Variants in COL3A1 observed in about 807,000 individuals in gnomAD.
COL3A1 encodes the protein collagen type III alpha 1 chain, also known as collagen alpha-1(III) chain.
In COL3A1, 46 loss-of-function variants were observed where a neutral mutation model predicts 200.9. That is an observed-to-expected ratio of 0.23 (90% CI 0.18 to 0.29). COL3A1 has a LOEUF of 0.29. COL3A1 is among the 10% of genes least tolerant of loss of function. The pLI is 1.00. For synonymous variants in COL3A1, 650 were observed against 628.0 expected (o/e 1.03, Z -0.52); for missense variants, 1,367 against 1,917.6 (o/e 0.71, Z 5.36).
chr2:188,999,947 C>A, intron 32 of COL3A1, 52 bp downstream of exon 32: 1 of 1,523,734 alleles, frequency 6.6e-7, no homozygotes, highest in Non-Finnish European at 8.9e-7. Flanking sequence ...TCATATGGGA[C>A]AGTCCTGCAC....
chr2:189,010,794 AAAG>A lies in COL3A1; in HGVS notation c.4162_4164del (p.Lys1388del). The A allele has an allele frequency of 1.2e-6, 2 of 1,614,172 alleles. No individual in the cohort carries two copies. The highest frequency in any genetic ancestry group is 1.7e-6 in the Non-Finnish European group (2 of 1,180,018). ...ACATGGATCAGGCCAGTGGAAATGT[AAAG>A]AAGGCCCTGAAGCTGATGGGGTCAA... is the stretch of plus-strand genomic sequence containing the variant. On this transcript the variant is annotated inframe_deletion, in exon 50 of 51. Transcript: ENST00000304636.
Position 189,008,245 on chromosome 2 carries a change from A to G in COL3A1, c.3525+103A>G. On this transcript the variant is annotated intron_variant, in intron 47 of 50. Transcript: ENST00000304636. Reference sequence around the variant, plus strand: ...AAATTGAAATAGAGAGACGCAATGCATCCACTCAATTTAGAAACTGAACAA... The same window carrying G: ...AAATTGAAATAGAGAGACGCAATGCGTCCACTCAATTTAGAAACTGAACAA... 5.3e-6 allele frequency: 5 copies of G among 938,462 alleles called. No homozygotes were observed. The South Asian group carries it at 7.0e-5, about 13-fold the overall frequency. 58.1% of individuals were successfully genotyped at this position (938,462 alleles called of 1,614,324 possible).
chr2:188,992,309 A>G lies in COL3A1; in HGVS notation c.996+81A>G. ...GGATTATTTAATATTTTATATATGTATATACTCTTAGGTATATATATATGC... is the reference window on the plus strand; with the variant it reads ...GGATTATTTAATATTTTATATATGTGTATACTCTTAGGTATATATATATGC... On this transcript the variant is annotated intron_variant, in intron 14 of 50. Coordinates refer to ENST00000304636, the MANE Select transcript of COL3A1 (RefSeq NM_000090.4). The G allele has an allele frequency of 4.2e-6, 5 of 1,197,832 alleles. No individual in the cohort carries two copies. In the South Asian group the frequency reaches 6.3e-5, roughly 15 times the overall value. 74.2% of individuals were successfully genotyped at this position (1,197,832 alleles called of 1,614,324 possible).
chr2:189,006,148 T>C, intron 41 of COL3A1, 58 bp from the exon 42 acceptor site: 1 of 1,567,954 alleles, frequency 6.4e-7, no homozygotes, highest in African/African-American at 1.3e-5. Context: ...AATGCATGGA[T>C]GAAATGGCAT....
chr2:188,988,739 G>T, intron 7 of COL3A1, 96 bp downstream of exon 7: 1 of 827,546 alleles, frequency 1.2e-6, no homozygotes, highest in Non-Finnish European at 2.0e-6. Context: ...ACAGAATGAA[G>T]ATTAAATTTA....
At chr2:188,977,027 C>A (rs2351420) in intron 1 of COL3A1, among the ~76,000 whole-genome samples, 36,492 of 152,006 alleles carry the variant, frequency 0.24, 4,502 homozygotes, top group Middle Eastern at 0.35. Context: ...ATAAATATTG[C>A]AAACACATAT....
Position 188,985,730 on chromosome 2 carries a change from T to G in COL3A1, c.399T>G (p.Gly133=). The part of the protein sequence containing the change: ...PGIPGQPGSP[G]SPGPPGICES... ...TTCCAGGACAACCAGGGTCCCCTGG[T>G]TCTCCTGGCCCCCCTGGAATCTGTG... Residue 133 remains glycine (G), a synonymous_variant, in exon 4 of 51, where the codon GGT becomes GGG. Coordinates refer to ENST00000304636, the MANE Select transcript of COL3A1 (RefSeq NM_000090.4). 6.2e-7 allele frequency: 1 copy of G among 1,611,804 alleles called. No individual in the cohort carries two copies. The highest frequency in any genetic ancestry group is 8.5e-7 in the Non-Finnish European group (1 of 1,178,904).
At position 189,001,319 on chromosome 2, in the gene COL3A1, CT is replaced by C. The variant is rs1415031400; in HGVS notation, c.2284-77del. The C allele has an allele frequency of 2.2e-6, 3 of 1,360,914 alleles. No homozygotes were observed. In the African/African-American group the frequency reaches 4.3e-5, roughly 20 times the overall value. The allele number at this position is 1,360,914 out of a possible 1,614,324, so 84.3% of individuals were successfully genotyped here. On this transcript the variant is annotated intron_variant, in intron 32 of 50. Coordinates refer to ENST00000304636, the MANE Select transcript of COL3A1 (RefSeq NM_000090.4). Reference sequence around the variant, plus strand: ...TATCTAGTTTATTAGGTATCTATGTCTATATACTTTCTGTTTGATTAATGCA... The same window carrying C: ...TATCTAGTTTATTAGGTATCTATGTCATATACTTTCTGTTTGATTAATGCA...
rs180938313 is a variant in COL3A1, at chr2:188,985,230, G to A, written c.316G>A (p.Gly106Ser). Residue 106 changes from glycine to serine, a missense_variant, in exon 3 of 51, where the codon GGC (glycine) becomes AGC (serine). By Grantham distance (56) the Gly-to-Ser change is moderately conservative. This residue lies in a region of COL3A1 where 462 missense variants were observed against 681.4 expected (regional missense o/e 0.68). Coordinates refer to ENST00000304636, the MANE Select transcript of COL3A1 (RefSeq NM_000090.4). Reference protein sequence around the residue: ...TRPPNGQGPQGPKGDPGPPGI... With the variant: ...TRPPNGQGPQSPKGDPGPPGI... ...CCCTCCTAATGGTCAAGGACCTCAAGGCCCCAAGGGAGATCCAGTAAGTAA... is the reference window on the plus strand; with the variant it reads ...CCCTCCTAATGGTCAAGGACCTCAAAGCCCCAAGGGAGATCCAGTAAGTAA... The A allele has an allele frequency of 4.3e-6, 7 of 1,611,864 alleles. No homozygotes were observed. The Admixed American group carries it at 5.0e-5, about 12-fold the overall frequency.
intron 44 of COL3A1, 55 bp from the exon 45 acceptor site, chr2:189,007,445 A>G: frequency 3.8e-6 from 5 of 1,315,596 alleles, no homozygotes; most frequent in Non-Finnish European, 5.3e-6. Flanking sequence ...ATTCTATTTT[A>G]TTTTTCCAAT....
rs761637298 is a variant in COL3A1, at chr2:188,997,154, T to G, written c.1762-11T>G. 7 of 1,613,296 alleles carry G rather than the reference T, an allele frequency of 4.3e-6. No homozygotes were observed. Among genetic ancestry groups the G allele is most frequent in the African/African-American group, 1.3e-5 (1 of 74,706 alleles). On this transcript the variant is annotated splice_polypyrimidine_tract_variant and intron_variant, in intron 24 of 50. Transcript: ENST00000304636. ...TTGAGGATTAGTAAATACCGACCAC[T>G]TCTTCTTTAGGGTGCTCCTGGTAAG...
At chr2:189,007,742 C>G in intron 45 of COL3A1, 135 bp downstream of exon 45, 1 of 1,239,798 alleles carries the variant, frequency 8.1e-7, no homozygotes, top group South Asian at 1.2e-5. Context: ...TTTGAAACAA[C>G]AATCAGCATG....
rs587779441 is a variant in COL3A1 at position 188,989,415 on chromosome 2, G to C, written c.656G>C (p.Gly219Ala). 6.2e-7 allele frequency: 1 copy of C among 1,605,682 alleles called. No individual in the cohort carries two copies. The highest frequency in any genetic ancestry group is 8.5e-7 in the Non-Finnish European group (1 of 1,175,982). Residue 219 changes from glycine (G) to alanine (A), a missense_variant, in exon 8 of 51, where the codon GGT becomes GCT. By Grantham distance (60) the Gly-to-Ala change is moderately conservative (BLOSUM62 0). Coordinates refer to ENST00000304636, the MANE Select transcript of COL3A1 (RefSeq NM_000090.4). Reference sequence around the variant, plus strand: ...TTTCAGGGCCCTCCAGGACCTCCTGGTGCTATAGGTCCATCTGGTCCTGCT... The same window carrying C: ...TTTCAGGGCCCTCCAGGACCTCCTGCTGCTATAGGTCCATCTGGTCCTGCT... Reference protein sequence around the residue: ...AGPSGPPGPPGAIGPSGPAGK... With the variant: ...AGPSGPPGPPAAIGPSGPAGK...
intron 34 of COL3A1, 142 bp from the exon 35 acceptor site, chr2:189,002,156 G>T: frequency 1.4e-6 from 1 of 716,198 alleles, no homozygotes; most frequent in Non-Finnish European, 2.5e-6. Context: ...TTGAGAAGTG[G>T]CAAAGTCTTC....
intron 1 of COL3A1, among the ~76,000 whole-genome samples, chr2:188,977,306 T>G (rs1687841863): frequency 6.6e-6 from 1 of 152,154 alleles, no homozygotes; most frequent in South Asian, 2.1e-4. Flanking sequence ...AGTTTCTATA[T>G]TTTGCTACAG....
chr2:188,984,639 A>T (rs1452240092), intron 1 of COL3A1, 121 bp from the exon 2 acceptor site: 1 of 846,480 alleles, frequency 1.2e-6, no homozygotes, highest in African/African-American at 1.7e-5. Context: ...TAATGAAAGG[A>T]AGAAATTATT....
chr2:189,001,690 T>A, intron 34 of COL3A1, 101 bp downstream of exon 34: 1 of 1,174,296 alleles, frequency 8.5e-7, no homozygotes, highest in Non-Finnish European at 1.3e-6. Context: ...TCCCTGAGCC[T>A]CAATTTGGAG....
At chr2:189,001,309 G>T in intron 32 of COL3A1, 88 bp from the exon 33 acceptor site, 1 of 1,243,154 alleles carries the variant, frequency 8.0e-7, no homozygotes, top group South Asian at 1.2e-5. Context: ...AGTTTATTAG[G>T]TATCTATGTC....
intron 44 of COL3A1, 70 bp from the exon 45 acceptor site, chr2:189,007,430 T>C: frequency 8.4e-7 from 1 of 1,187,430 alleles, no homozygotes; most frequent in Non-Finnish European, 1.2e-6. Flanking sequence ...ATTTAATTAT[T>C]ATAAATTCTA....
Sources: allele counts gnomAD v4.1 joint callset (sites outside exome capture counted in the v4.1 genomes callset), GRCh38; gene constraint gnomAD v4.1.1; regional missense constraint gnomAD v4.1.1; transcripts MANE v1.5; gene names NCBI Gene and HGNC (gene_info 2026-07-23, HGNC 2026-07-21).